Variants in PTPRS observed in about 807,000 individuals in gnomAD.
PTPRS encodes receptor-type tyrosine-protein phosphatase S.
A neutral mutation model predicts 215.3 loss-of-function variants in PTPRS; 63 were observed. That is an observed-to-expected ratio of 0.29 (90% CI 0.24 to 0.36). The LOEUF (loss-of-function observed/expected upper bound fraction) is 0.36. PTPRS is among the 10% of genes least tolerant of loss of function. The pLI is 1.00. For missense variants in PTPRS, 2,258 were observed against 2,825.8 expected (o/e 0.80, Z 4.56); for synonymous variants, 1,404 against 1,191.4 (o/e 1.18, Z -3.68).
chr19:5,312,407 C>G (rs2049736249), intron 1 of PTPRS, among the ~76,000 whole-genome samples: 1 of 152,052 alleles, frequency 6.6e-6, no homozygotes, highest in Admixed American at 6.6e-5. Flanking sequence ...ACACCTGTAC[C>G]CTAGTGCTTT....
Position 5,293,905 on chromosome 19 carries a change from C to A in PTPRS, c.-94-7671G>T, listed in dbSNP as rs2049037367. 6.6e-6 allele frequency among the ~76,000 whole-genome samples: 1 copy of A among 152,170 alleles called. No homozygotes were observed. The highest frequency in any genetic ancestry group is 1.5e-5 in the Non-Finnish European group (1 of 68,034). ...AAACAGATGGGGCCGCCGTGCCAGGCCCGCGACACCGGAGCAGAGGGAGAG... is the reference window on the plus strand; with the variant it reads ...AAACAGATGGGGCCGCCGTGCCAGGACCGCGACACCGGAGCAGAGGGAGAG... On this transcript the variant is annotated intron_variant, in intron 1 of 37. Coordinates refer to ENST00000262963, the MANE Select transcript of PTPRS (RefSeq NM_002850.4). This position sits in a 1 kb window ranked among gnomAD's most constrained non-coding sequence, Gnocchi z 8.4.
intron 1 of PTPRS, among the ~76,000 whole-genome samples, chr19:5,309,825 G>C (rs555179615): frequency 1.6e-4 from 24 of 152,108 alleles, no homozygotes; most frequent in African/African-American, 5.5e-4. Context: ...CCCTGGCCTG[G>C]ATCTGTGCCG....
intron 4 of PTPRS, among the ~76,000 whole-genome samples, chr19:5,272,310 C>A (rs1485656310): frequency 6.6e-6 from 1 of 152,042 alleles, no homozygotes; most frequent in Non-Finnish European, 1.5e-5. Flanking sequence ...TCAAGAAATG[C>A]ATTTAGGCTG....
At chr19:5,214,214 G>T in intron 30 of PTPRS, 147 bp downstream of exon 30, 1 of 1,171,058 alleles carries the variant, frequency 8.5e-7, no homozygotes. Flanking sequence ...ACGGAAGTGG[G>T]TTCCATGAGA....
rs751233189 is a variant in PTPRS, at chr19:5,212,015, C to G, written c.5005G>C (p.Ala1669Pro). The G allele has an allele frequency of 6.2e-7, 1 of 1,613,492 alleles. No homozygotes were observed. The highest frequency in any genetic ancestry group is 8.5e-7 in the Non-Finnish European group (1 of 1,179,916). ...RSLYAYIQKL[A>P]QVEPGEHVTG... ...ACGTGTTCGCCAGGCTCCACCTGGG[C>G]CAGCTTCTGGATGTAGGCATAGAGG... Residue 1669 changes from alanine (A) to proline (P), a missense_variant, in exon 32 of 38, where the codon GCC becomes CCC. Physicochemically the swap from Ala to Pro is conservative, Grantham distance 27. This residue lies in a region of PTPRS where 927 missense variants were observed against 1,125.9 expected (regional missense o/e 0.82). Coordinates refer to ENST00000262963, the MANE Select transcript of PTPRS (RefSeq NM_002850.4).
intron 26 of PTPRS, 47 bp from the exon 27 acceptor site, chr19:5,215,642 A>G: frequency 9.3e-6 from 10 of 1,077,588 alleles, no homozygotes; most frequent in South Asian, 7.2e-5. Context: ...TTGGGGGGCC[A>G]GCCGGGGACT....
At chr19:5,216,284 C>T (rs562778006) in intron 26 of PTPRS, among the ~76,000 whole-genome samples, 2 of 152,194 alleles carry the variant, frequency 1.3e-5, no homozygotes, top group South Asian at 2.1e-4. Context: ...TCTCCCTTCC[C>T]GATATCTGGG....
chr19:5,303,095 G>C (rs573190288), intron 1 of PTPRS, among the ~76,000 whole-genome samples: 1 of 151,928 alleles, frequency 6.6e-6, no homozygotes, highest in Non-Finnish European at 1.5e-5. Context: ...AACAAAAAAA[G>C]ACAACAACAA....
At chr19:5,230,603 G>A (rs2042932010) in intron 14 of PTPRS, among the ~76,000 whole-genome samples, 1 of 152,162 alleles carries the variant, frequency 6.6e-6, no homozygotes, top group Non-Finnish European at 1.5e-5. Context: ...GACTACATGT[G>A]CATGCCACCA....
chr19:5,316,504 T>C (rs917158808), intron 1 of PTPRS, among the ~76,000 whole-genome samples: 2 of 152,204 alleles, frequency 1.3e-5, no homozygotes, highest in Non-Finnish European at 2.9e-5. Context: ...GCAATTCTCC[T>C]GCCTGAGCCT....
At chr19:5,253,175 C>T (rs1272266083) in intron 9 of PTPRS, among the ~76,000 whole-genome samples, 3 of 152,214 alleles carry the variant, frequency 2.0e-5, no homozygotes, top group African/African-American at 7.2e-5. Context: ...TCAACTACAG[C>T]TGGGAGTGGA....
At chr19:5,273,185 A>C in intron 4 of PTPRS, 2 of 527,188 alleles carry the variant, frequency 3.8e-6, no homozygotes, top group Non-Finnish European at 6.8e-6. Context: ...GCCTTTTGTC[A>C]TCAGAAGCAC....
At chr19:5,256,234 TTTG>T (rs1209602566) in intron 8 of PTPRS, 115 bp from the exon 9 acceptor site, 4 of 767,842 alleles carry the variant, frequency 5.2e-6, no homozygotes, top group African/African-American at 2.0e-5. Flanking sequence ...GCTGCAATAG[TTTG>T]TTGTTTTTTT....
chr19:5,288,691 A>AT (rs1372743632), intron 1 of PTPRS, among the ~76,000 whole-genome samples: 3 of 152,220 alleles, frequency 2.0e-5, no homozygotes, highest in Non-Finnish European at 4.4e-5. Flanking sequence ...CTGAGGCAGC[A>AT]TAGCAAACCT....
At chr19:5,245,105 G>A (rs533570481) in intron 10 of PTPRS, among the ~76,000 whole-genome samples, 9 of 150,622 alleles carry the variant, frequency 6.0e-5, no homozygotes, top group East Asian at 2.0e-4. Flanking sequence ...TCAGCCTCCC[G>A]AGTAGCTGGG....
At chr19:5,270,104 G>T (rs1381772550) in intron 4 of PTPRS, among the ~76,000 whole-genome samples, 1 of 152,088 alleles carries the variant, frequency 6.6e-6, no homozygotes, top group African/African-American at 2.4e-5. Flanking sequence ...GAAAGGTCAG[G>T]GCAAAATTAT....
rs190810492 is a variant in PTPRS, at chr19:5,243,888, C to A, written c.1570+13G>T. ...CGGCCGGGGCCCCGAGTCCTGCCGA[C>A]CCCACGCCTCACCTCCCTGCTGCGT... On this transcript the variant is annotated intron_variant, in intron 11 of 37. Coordinates refer to ENST00000262963, the MANE Select transcript of PTPRS (RefSeq NM_002850.4). 6.8e-7 allele frequency: 1 copy of A among 1,476,642 alleles called. No individual in the cohort carries two copies. 91.5% of individuals were successfully genotyped at this position (1,476,642 alleles called of 1,614,324 possible).
rs539058203 is a variant in PTPRS at position 5,237,086 on chromosome 19, C to A, written c.1849+1833G>T. On this transcript the variant is annotated intron_variant, in intron 13 of 37. Transcript: ENST00000262963. The surrounding 1 kb of genome is among the most constrained non-coding windows in gnomAD (Gnocchi z 4.2). ...AAAGACTTTCTTACGAGAGAGGGAA[C>A]GGCCGAGCGCTGAGCTACAAGGCCA... Among the ~76,000 whole-genome samples the A allele has an allele frequency of 6.6e-6, 1 of 152,194 alleles. No individual in the cohort carries two copies. The highest frequency in any genetic ancestry group is 1.5e-5 in the Non-Finnish European group (1 of 68,034).
intron 1 of PTPRS, among the ~76,000 whole-genome samples, chr19:5,321,059 C>T (rs906142992): frequency 6.6e-6 from 1 of 151,942 alleles, no homozygotes; most frequent in African/African-American, 2.4e-5. Flanking sequence ...CCCAGGAGTT[C>T]GAGACCAGCC....
Sources: allele counts gnomAD v4.1 joint callset (sites outside exome capture counted in the v4.1 genomes callset), GRCh38; gene constraint gnomAD v4.1.1; regional missense constraint gnomAD v4.1.1; non-coding constraint Gnocchi (gnomAD v3.1); transcripts MANE v1.5; gene names NCBI Gene and HGNC (gene_info 2026-07-23, HGNC 2026-07-21).